PHAF1: variants seen among roughly 807,000 people sequenced by gnomAD.
The protein encoded by PHAF1 is phagosome assembly factor 1.
PHAF1 carries 23 observed loss-of-function variants against 63.1 expected under a neutral mutation model. That is an observed-to-expected ratio of 0.36 (90% CI 0.26 to 0.52). PHAF1 has a LOEUF of 0.52. Among genes scored for constraint, PHAF1 ranks in the 20% least tolerant of loss-of-function variants. The pLI is 0.93. For missense variants in PHAF1, 427 were observed against 517.2 expected (o/e 0.83, Z 1.69); for synonymous variants, 167 against 185.0 (o/e 0.90, Z 0.79).
chr16:67,126,593 T>C (rs1963199784), intron 3 of PHAF1, among the ~76,000 whole-genome samples: 1 of 147,368 alleles, frequency 6.8e-6, no homozygotes, highest in Non-Finnish European at 1.5e-5. Flanking sequence ...TTTTTGTTTT[T>C]GGTTTTTTTT....
chr16:67,119,538 T>TA (rs1467144290), intron 1 of PHAF1, among the ~76,000 whole-genome samples: 2 of 151,592 alleles, frequency 1.3e-5, no homozygotes, highest in African/African-American at 2.4e-5. Context: ...TTTTTTTTTT[T>TA]ATAGACAGAG....
At chr16:67,132,101 A>C in intron 4 of PHAF1, 1 of 179,988 alleles carries the variant, frequency 5.6e-6, no homozygotes, top group Non-Finnish European at 1.2e-5. Flanking sequence ...TAGACAAGCA[A>C]ATGTGTGGTA....
chr16:67,113,319 G>T lies in PHAF1; in HGVS notation c.64+3080G>T, dbSNP rs189409766. ...TATAATGTTGGATGATTAGGGAAATGCGAGCAACACAGGGAAAGGAAAACC... is the reference window on the plus strand; with the variant it reads ...TATAATGTTGGATGATTAGGGAAATTCGAGCAACACAGGGAAAGGAAAACC... On this transcript the variant is annotated intron_variant, in intron 1 of 15. Coordinates refer to ENST00000219139, the MANE Select transcript of PHAF1 (RefSeq NM_025187.5). Among the ~76,000 whole-genome samples, 297 of 152,266 alleles carry T rather than the reference G, an allele frequency of 2.0e-3. 2 individuals carry two copies. Among genetic ancestry groups the T allele is most frequent in the Non-Finnish European group, 3.3e-3 (227 of 68,022 alleles).
intron 1 of PHAF1, among the ~76,000 whole-genome samples, chr16:67,112,381 C>CA (rs964546436): frequency 0.053 from 2,361 of 44,808 alleles, 40 homozygotes; most frequent in Middle Eastern, 0.065. Flanking sequence ...TCGTTTCTAC[C>CA]AAAAAAAAAA....
intron 10 of PHAF1, among the ~76,000 whole-genome samples, chr16:67,143,074 G>C (rs974913907): frequency 6.6e-6 from 1 of 152,156 alleles, no homozygotes; most frequent in African/African-American, 2.4e-5. Flanking sequence ...GGGGATAGGA[G>C]GGAAGTGTTC....
chr16:67,121,780 G>T (rs571792803), intron 2 of PHAF1, among the ~76,000 whole-genome samples: 2 of 151,460 alleles, frequency 1.3e-5, no homozygotes, highest in Non-Finnish European at 2.9e-5. Flanking sequence ...GGGTTTCTCC[G>T]TGTTGGTCAG....
At position 67,139,974 on chromosome 16, in the gene PHAF1, T is replaced by C. The variant is rs1963745289; in HGVS notation, c.662-10T>C. 2.5e-6 allele frequency: 4 copies of C among 1,613,824 alleles called. No individual in the cohort carries two copies. The African/African-American group carries it at 5.3e-5, about 22-fold the overall frequency. The stretch of plus-strand genomic sequence containing the variant: ...ATAACCTGACAACCTCTCTGTCTTG[T>C]TTTTTGCAGGTTGTGGACCTGGCCT... On this transcript the variant is annotated splice_polypyrimidine_tract_variant and intron_variant, in intron 8 of 15. Transcript: ENST00000219139.
intron 2 of PHAF1, among the ~76,000 whole-genome samples, chr16:67,122,489 G>A (rs1046564362): frequency 9.2e-5 from 14 of 151,448 alleles, no homozygotes; most frequent in African/African-American, 3.4e-4. Flanking sequence ...TATTCAGGAG[G>A]CTGAGGTGGG....
intron 3 of PHAF1, among the ~76,000 whole-genome samples, chr16:67,129,696 G>A (rs764589450): frequency 5.3e-5 from 8 of 152,292 alleles, no homozygotes; most frequent in Non-Finnish European, 1.0e-4. Context: ...ATGGTGCTCC[G>A]AGCCCCTACC....
chr16:67,111,962 A>G (rs915824611), intron 1 of PHAF1, among the ~76,000 whole-genome samples: 3 of 152,130 alleles, frequency 2.0e-5, no homozygotes, highest in Non-Finnish European at 4.4e-5. Flanking sequence ...AAATTCTTTC[A>G]TAACTTAACA....
intron 3 of PHAF1, among the ~76,000 whole-genome samples, chr16:67,127,348 CTCA>C (rs1253819963): frequency 6.6e-6 from 1 of 152,164 alleles, no homozygotes; most frequent in Non-Finnish European, 1.5e-5. Context: ...CTTACCAGTT[CTCA>C]TCATCCTTGT....
intron 3 of PHAF1, among the ~76,000 whole-genome samples, chr16:67,131,063 G>A (rs932970544): frequency 6.6e-6 from 1 of 151,920 alleles, no homozygotes; most frequent in Non-Finnish European, 1.5e-5. Flanking sequence ...GACCAGCCTG[G>A]GCAACATAGT....
At chr16:67,134,090 A>T in intron 6 of PHAF1, 78 bp from the exon 7 acceptor site, 1 of 1,252,756 alleles carries the variant, frequency 8.0e-7, no homozygotes, top group Non-Finnish European at 1.2e-6. Context: ...CTTGAAGACC[A>T]TGAGTGACAG....
chr16:67,139,225 A>G (rs890087633), intron 8 of PHAF1, among the ~76,000 whole-genome samples: 11 of 151,976 alleles, frequency 7.2e-5, no homozygotes, highest in African/African-American at 2.4e-4. Flanking sequence ...CCCGGCCAAG[A>G]AGTACCTCTT....
chr16:67,126,595 G>GTTTTTTTTTT (rs60445297), intron 3 of PHAF1, among the ~76,000 whole-genome samples: 27 of 134,196 alleles, frequency 2.0e-4, no homozygotes, highest in African/African-American at 7.0e-4. Context: ...TTTGTTTTTG[G>GTTTTTTTTTT]TTTTTTTTTT....
chr16:67,127,534 C>T (rs943716552), intron 3 of PHAF1, among the ~76,000 whole-genome samples: 3 of 152,158 alleles, frequency 2.0e-5, no homozygotes, highest in Non-Finnish European at 2.9e-5. Context: ...CAGTGGCTCA[C>T]GCCTGTAATC....
In PHAF1 at chr16:67,144,885, G is replaced by A. The variant is rs1311907934; in HGVS notation, c.1006+8G>A. 6.2e-7 allele frequency: 1 copy of A among 1,613,234 alleles called. No individual in the cohort carries two copies. The highest frequency in any genetic ancestry group is 8.5e-7 in the Non-Finnish European group (1 of 1,179,280). ...CACTAGCCATAAAGAAAGGTGAGTA[G>A]TGAAAGCTCTCAGGGTAAGGGAGGG... On this transcript the variant is annotated splice_region_variant and intron_variant, in intron 12 of 15. Transcript: ENST00000219139.
chr16:67,139,538 C>T (rs536012774), intron 8 of PHAF1: 3 of 162,490 alleles, frequency 1.8e-5, no homozygotes, highest in Middle Eastern at 3.0e-3. Context: ...TTTGTAGAGA[C>T]GGAGTATCAC....
At chr16:67,136,188 C>G (rs940902481) in intron 8 of PHAF1, 9 of 152,254 alleles carry the variant, frequency 5.9e-5, no homozygotes, top group African/African-American at 2.2e-4. Context: ...CCTGTACTCC[C>G]AGCTACTCAG....
Sources: allele counts gnomAD v4.1 joint callset (sites outside exome capture counted in the v4.1 genomes callset), GRCh38; gene constraint gnomAD v4.1.1; transcripts MANE v1.5; gene names NCBI Gene and HGNC (gene_info 2026-07-23, HGNC 2026-07-21).